The following DHX40 variants were observed in gnomAD, a reference collection of about 807,000 sequenced individuals.
DHX40 encodes DEAH-box helicase 40.
In DHX40, 28 loss-of-function variants were observed where a neutral mutation model predicts 89.6. The ratio of observed to expected loss-of-function variants is 0.31; its 90% CI spans 0.23 to 0.43. The LOEUF (loss-of-function observed/expected upper bound fraction) is 0.43, where lower values mean the gene tolerates loss of function less well. DHX40 is among the 20% of genes least tolerant of loss of function. The pLI is 1.00. For missense variants in DHX40, 457 were observed against 844.0 expected, an observed-to-expected ratio of 0.54 and a Z score of 5.68; for synonymous variants, 226 against 283.6, an observed-to-expected ratio of 0.80 and a Z score of 2.04.
rs576135534 is a variant in DHX40 at position 59,590,932 on chromosome 17, G to A, written c.1582+2879G>A. On this transcript the variant is annotated intron_variant, in intron 12 of 17. Coordinates refer to ENST00000251241, the MANE Select transcript of DHX40 (RefSeq NM_024612.5). ...GGCACAGTGGTATCCCAGCTCCTTGGGAGACTGAGGTGGGATGATTGCTTG... is the reference window on the plus strand; with the variant it reads ...GGCACAGTGGTATCCCAGCTCCTTGAGAGACTGAGGTGGGATGATTGCTTG... 3.3e-5 allele frequency among the ~76,000 whole-genome samples: 5 copies of A among 151,176 alleles called. No homozygotes were observed. In the South Asian group the frequency reaches 1.1e-3, roughly 32 times the overall value.
At chr17:59,588,942 T>C (rs1283484468) in intron 12 of DHX40, among the ~76,000 whole-genome samples, 1 of 152,126 alleles carries the variant, frequency 6.6e-6, no homozygotes, top group Non-Finnish European at 1.5e-5. Context: ...AACACTGTCC[T>C]TTTTCTGTTG....
At chr17:59,602,123 C>G (rs1453368330) in intron 14 of DHX40, among the ~76,000 whole-genome samples, 1 of 152,166 alleles carries the variant, frequency 6.6e-6, no homozygotes, top group African/African-American at 2.4e-5. Flanking sequence ...CACTTCTCTT[C>G]TCTCCTGAAC....
chr17:59,585,460 C>CGTGAG (rs1567875886), intron 10 of DHX40, among the ~76,000 whole-genome samples: 1 of 150,880 alleles, frequency 6.6e-6, no homozygotes, highest in Non-Finnish European at 1.5e-5. Context: ...CGGTGGCTCA[C>CGTGAG]GCCTGTAATC....
intron 12 of DHX40, among the ~76,000 whole-genome samples, chr17:59,590,877 G>C (rs966838629): frequency 2.6e-5 from 4 of 151,578 alleles, no homozygotes; most frequent in African/African-American, 9.7e-5. Flanking sequence ...TGGTTTTCAT[G>C]AGGCAGTATC....
intron 12 of DHX40, among the ~76,000 whole-genome samples, chr17:59,597,979 A>C (rs1598173207): frequency 7.0e-6 from 1 of 143,362 alleles, no homozygotes; most frequent in Non-Finnish European, 1.5e-5. Context: ...CGATCTTCCC[A>C]CCTCAGCCTC....
At chr17:59,595,163 A>C (rs1246087828) in intron 12 of DHX40, among the ~76,000 whole-genome samples, 1 of 151,768 alleles carries the variant, frequency 6.6e-6, no homozygotes, top group Admixed American at 6.6e-5. Context: ...AACTCACCAC[A>C]ACCTCTACCT....
At position 59,586,133 on chromosome 17, in the gene DHX40, TA is replaced by T. The variant is rs1427966466; in HGVS notation, c.1344-19del. Reference sequence around the variant, plus strand: ...TGTTCAAGGAATGCCTCTCACTTCATATCTCATTTAAACACACAGGTTTCCC... The same window carrying T: ...TGTTCAAGGAATGCCTCTCACTTCATTCTCATTTAAACACACAGGTTTCCC... On this transcript the variant is annotated intron_variant, in intron 10 of 17. Transcript: ENST00000251241. 6.5e-7 allele frequency: 1 copy of T among 1,542,506 alleles called. No individual in the cohort carries two copies. The highest frequency in any genetic ancestry group is 8.8e-7 in the Non-Finnish European group (1 of 1,131,534).
At chr17:59,593,806 A>C (rs969495031) in intron 12 of DHX40, among the ~76,000 whole-genome samples, 10 of 151,946 alleles carry the variant, frequency 6.6e-5, no homozygotes, top group African/African-American at 2.4e-4. Flanking sequence ...AAAAAAAAAA[A>C]CAAAAAAACT....
At chr17:59,572,801 A>G (rs2048829729) in intron 3 of DHX40, among the ~76,000 whole-genome samples, 1 of 152,204 alleles carries the variant, frequency 6.6e-6, no homozygotes, top group African/African-American at 2.4e-5. Flanking sequence ...ATCTCATTTC[A>G]CTGTTGTTTC....
chr17:59,588,170 C>G, intron 12 of DHX40, 117 bp downstream of exon 12: 2 of 1,307,120 alleles, frequency 1.5e-6, no homozygotes. Context: ...TGCTTGAGGT[C>G]AGAAGTTGGA....
At chr17:59,578,009 G>C (rs922303549) in intron 8 of DHX40, among the ~76,000 whole-genome samples, 4 of 151,986 alleles carry the variant, frequency 2.6e-5, no homozygotes, top group Non-Finnish European at 5.9e-5. Flanking sequence ...CTATGATTCA[G>C]GTCCCTTATC....
At chr17:59,603,394 C>T (rs1461427550) in intron 15 of DHX40, 1 of 152,214 alleles carries the variant, frequency 6.6e-6, no homozygotes, top group African/African-American at 2.4e-5. Context: ...GGACATCCAT[C>T]TGCCACTTAA....
At chr17:59,604,845 A>G (rs1273223143) in intron 15 of DHX40, 1 of 334,234 alleles carries the variant, frequency 3.0e-6, no homozygotes, top group Non-Finnish European at 5.5e-6. Flanking sequence ...CCTGGCTCTC[A>G]AAGCTCATAG....
At chr17:59,596,649 C>T (rs1467944776) in intron 12 of DHX40, among the ~76,000 whole-genome samples, 2 of 152,140 alleles carry the variant, frequency 1.3e-5, no homozygotes, top group South Asian at 4.1e-4. Context: ...TTTTCCTTAC[C>T]AGGGTCATTT....
At chr17:59,570,795 A>C (rs144539537) in intron 3 of DHX40, 132 bp downstream of exon 3, 1 of 845,452 alleles carries the variant, frequency 1.2e-6, no homozygotes, top group Non-Finnish European at 1.7e-6. Context: ...GTGATCTCCT[A>C]CCTCAGCCCC....
At chr17:59,600,420 T>C (rs1364863935) in intron 14 of DHX40, among the ~76,000 whole-genome samples, 1 of 152,066 alleles carries the variant, frequency 6.6e-6, no homozygotes. Context: ...TATATAAGTT[T>C]GCATTTCCTA....
chr17:59,602,436 T>G, intron 14 of DHX40, 86 bp from the exon 15 acceptor site: 1 of 1,219,182 alleles, frequency 8.2e-7, no homozygotes, highest in East Asian at 2.4e-5. Flanking sequence ...GAAACAGAGG[T>G]CTTTAGAAAT....
chr17:59,602,747 C>A, intron 15 of DHX40, 131 bp downstream of exon 15: 1 of 788,994 alleles, frequency 1.3e-6, no homozygotes, highest in Non-Finnish European at 1.9e-6. Flanking sequence ...ATTACAGTGA[C>A]GAGGGAGAGC....
Position 59,607,139 on chromosome 17 carries a change from G to A in DHX40, c.2307G>A (p.Gln769=), listed in dbSNP as rs2030917162. 1 of 1,614,180 alleles carries A rather than the reference G, an allele frequency of 6.2e-7. No homozygotes were observed. The highest frequency in any genetic ancestry group is 2.2e-5 in the East Asian group (1 of 44,882). Residue 769 remains glutamine, a synonymous_variant, in exon 18 of 18, where the codon CAG becomes CAA. Coordinates refer to ENST00000251241, the MANE Select transcript of DHX40 (RefSeq NM_024612.5). ...RFLERKQQRT[Q]DHSDTRKETG is the part of the protein sequence containing the mutation. Reference sequence around the variant, plus strand: ...TTGAGAGAAAGCAGCAGAGGACCCAGGACCACAGTGACACACGAAAGGAAA... The same window carrying A: ...TTGAGAGAAAGCAGCAGAGGACCCAAGACCACAGTGACACACGAAAGGAAA...
Sources: gnomAD v4.1 joint callset for allele counts (sites outside exome capture counted in the v4.1 genomes callset) on GRCh38, gnomAD v4.1.1 for gene constraint, MANE v1.5 for transcripts, NCBI Gene and HGNC (gene_info 2026-07-23, HGNC 2026-07-21) for gene names.